The following INTS9 variants were observed in gnomAD, a reference collection of about 807,000 sequenced individuals.
The protein encoded by INTS9 is integrator complex subunit 9.
In INTS9, 55 loss-of-function variants were observed where a neutral mutation model predicts 79.7. The observed-to-expected ratio is 0.69, with a 90% CI of 0.56 to 0.86. INTS9 has a LOEUF of 0.86. Among genes scored for constraint, INTS9 ranks in the 40% least tolerant of loss-of-function variants. The probability of loss-of-function intolerance (pLI) is 0.00; values close to 1 mark genes in which losing one functional copy is unlikely to be tolerated. For synonymous variants in INTS9, 319 were observed against 325.2 expected (o/e 0.98, Z 0.20); for missense variants, 721 against 831.5 (o/e 0.87, Z 1.64).
At chr8:28,853,318 CAAGAG>C (rs2131268568) in intron 2 of INTS9, among the ~76,000 whole-genome samples, 1 of 150,354 alleles carries the variant, frequency 6.7e-6, no homozygotes, top group East Asian at 2.0e-4. Flanking sequence ...GAGGCCGAGG[CAAGAG>C]AATCACTTGA....
chr8:28,881,526 TG>T (rs1353257164), intron 1 of INTS9, among the ~76,000 whole-genome samples: 1,319 of 7,128 alleles, frequency 0.19, no homozygotes, highest in African/African-American at 0.21. Context: ...GGGAGGGAGG[TG>T]GGGGGGGTCA....
At chr8:28,824,333 A>C (rs1806027435) in intron 6 of INTS9, among the ~76,000 whole-genome samples, 2 of 152,224 alleles carry the variant, frequency 1.3e-5, no homozygotes, top group South Asian at 4.1e-4. Context: ...CATTGAGGAT[A>C]AAATCCAAGG....
chr8:28,816,152 A>C (rs1805462266), intron 6 of INTS9, among the ~76,000 whole-genome samples: 1 of 151,838 alleles, frequency 6.6e-6, no homozygotes, highest in Non-Finnish European at 1.5e-5. Context: ...TCCTTTTTTA[A>C]AAATTTTATT....
At chr8:28,844,000 T>C (rs1374877543) in intron 4 of INTS9, among the ~76,000 whole-genome samples, 1 of 152,180 alleles carries the variant, frequency 6.6e-6, no homozygotes, top group Non-Finnish European at 1.5e-5. Context: ...GAGAGATCAC[T>C]CTTTACTGCA....
intron 11 of INTS9, 142 bp from the exon 12 acceptor site, chr8:28,781,136 AG>A: frequency 1.6e-6 from 1 of 642,000 alleles, no homozygotes; most frequent in Non-Finnish European, 2.7e-6. Context: ...TACCTGCAAA[AG>A]TCACACCTGA....
chr8:28,782,417 G>C (rs1803327726), intron 11 of INTS9, among the ~76,000 whole-genome samples: 1 of 152,238 alleles, frequency 6.6e-6, no homozygotes, highest in South Asian at 2.1e-4. Flanking sequence ...GCTGTGTTAA[G>C]CTACTGCAGC....
At chr8:28,784,528 C>A (rs530860015) in intron 11 of INTS9, among the ~76,000 whole-genome samples, 2 of 152,326 alleles carry the variant, frequency 1.3e-5, no homozygotes, top group East Asian at 3.9e-4. Context: ...CATCCTGGTT[C>A]ATAAAAGACC....
At chr8:28,831,207 A>G (rs1162302781) in intron 6 of INTS9, among the ~76,000 whole-genome samples, 1 of 152,252 alleles carries the variant, frequency 6.6e-6, no homozygotes, top group Non-Finnish European at 1.5e-5. Context: ...CTAACATAGG[A>G]ACAGAAAACC....
intron 15 of INTS9, among the ~76,000 whole-genome samples, chr8:28,770,776 G>A (rs17059388): frequency 0.078 from 11,856 of 152,278 alleles, 1,475 homozygotes; most frequent in African/African-American, 0.27. Flanking sequence ...GCGTGGCAGC[G>A]CTCCCCAACA....
intron 1 of INTS9, among the ~76,000 whole-genome samples, chr8:28,871,646 T>A (rs912967094): frequency 1.3e-5 from 2 of 152,092 alleles, no homozygotes; most frequent in Non-Finnish European, 2.9e-5. Flanking sequence ...GCTCAAGCAA[T>A]CCGCTCACCT....
intron 8 of INTS9, among the ~76,000 whole-genome samples, chr8:28,806,504 T>C (rs1014052775): frequency 6.6e-6 from 1 of 152,048 alleles, no homozygotes; most frequent in South Asian, 2.1e-4. Context: ...TAAGCAAAGA[T>C]ATAAGACTTG....
chr8:28,835,894 C>T (rs537071151), intron 5 of INTS9, among the ~76,000 whole-genome samples: 34 of 152,074 alleles, frequency 2.2e-4, no homozygotes, highest in African/African-American at 6.3e-4. Context: ...CTACAATCTC[C>T]GCCTCCCGGG....
At position 28,879,327 on chromosome 8, in the gene INTS9, A is replaced by G. The variant is rs189354609; in HGVS notation, c.9+10547T>C. Among the ~76,000 whole-genome samples, 22 of 152,360 alleles carry G rather than the reference A, an allele frequency of 1.4e-4. No individual in the cohort carries two copies. In the East Asian group the frequency reaches 4.2e-3, roughly 29 times the overall value. Reference sequence around the variant, plus strand: ...ATATAAAGACAAAAACCACATGATCACCTTGATAGATGAAGGAAAAGCATC... The same window carrying G: ...ATATAAAGACAAAAACCACATGATCGCCTTGATAGATGAAGGAAAAGCATC... On this transcript the variant is annotated intron_variant, in intron 1 of 16. Coordinates refer to ENST00000521022, the MANE Select transcript of INTS9 (RefSeq NM_018250.4).
chr8:28,769,240 T>C (rs560842159), intron 16 of INTS9, among the ~76,000 whole-genome samples: 1 of 152,374 alleles, frequency 6.6e-6, no homozygotes, highest in East Asian at 1.9e-4. Flanking sequence ...TTCCTTGTAA[T>C]GATTGTAATT....
chr8:28,844,194 G>A (rs1807360676), intron 4 of INTS9, among the ~76,000 whole-genome samples: 1 of 152,164 alleles, frequency 6.6e-6, no homozygotes, highest in African/African-American at 2.4e-5. Flanking sequence ...TTTCTTTTGA[G>A]TGCAAATCGT....
chr8:28,825,862 A>G (rs1472516760), intron 6 of INTS9, among the ~76,000 whole-genome samples: 1 of 152,220 alleles, frequency 6.6e-6, no homozygotes, highest in Non-Finnish European at 1.5e-5. Flanking sequence ...CAATTTACTT[A>G]AGCAAAACAA....
intron 6 of INTS9, among the ~76,000 whole-genome samples, chr8:28,814,811 G>A (rs1805376285): frequency 6.6e-6 from 1 of 152,142 alleles, no homozygotes; most frequent in Non-Finnish European, 1.5e-5. Flanking sequence ...GGGGCTGAAA[G>A]AATCTTCTCT....
intron 1 of INTS9, among the ~76,000 whole-genome samples, chr8:28,865,082 A>G (rs1438670935): frequency 6.6e-6 from 1 of 152,058 alleles, no homozygotes; most frequent in African/African-American, 2.4e-5. Context: ...AAAAATCATA[A>G]TAACTAAAAC....
At chr8:28,826,540 G>A (rs1806155811) in intron 6 of INTS9, among the ~76,000 whole-genome samples, 2 of 152,098 alleles carry the variant, frequency 1.3e-5, no homozygotes, top group South Asian at 2.1e-4. Context: ...GGCTCCAAGT[G>A]ACCCCTACCC....
Sources: allele counts gnomAD v4.1 joint callset (sites outside exome capture counted in the v4.1 genomes callset), GRCh38; gene constraint gnomAD v4.1.1; transcripts MANE v1.5; gene names NCBI Gene and HGNC (gene_info 2026-07-23, HGNC 2026-07-21).